The following PDZD7 variants were observed in gnomAD, a reference collection of about 807,000 sequenced individuals.
PDZD7 encodes PDZ domain containing 7, also known as PDZ domain-containing protein 7.
A neutral mutation model predicts 84.7 loss-of-function variants in PDZD7; 72 were observed. The observed-to-expected ratio is 0.85, with a 90% CI of 0.70 to 1.03. The LOEUF (loss-of-function observed/expected upper bound fraction) is 1.03. PDZD7 is among the 50% of genes least tolerant of loss of function. The probability of loss-of-function intolerance (pLI) is 0.00; values close to 1 mark genes in which losing one functional copy is unlikely to be tolerated. For synonymous variants in PDZD7, 594 were observed against 580.7 expected, an observed-to-expected ratio of 1.02 and a Z score of -0.33; for missense variants, 1,490 against 1,412.9, an observed-to-expected ratio of 1.05 and a Z score of -0.87.
intron 11 of PDZD7, among the ~76,000 whole-genome samples, chr10:101,014,546 G>A (rs892714150): frequency 1.3e-5 from 2 of 152,132 alleles, no homozygotes; most frequent in Admixed American, 1.3e-4. Context: ...GACACTTTCT[G>A]AGTTTAGCCC....
chr10:101,016,405 C>T lies in PDZD7; in HGVS notation c.1545G>A (p.Gln515=). ...IEKAGGVGPV[Q]KFVTWRLRRD... Reference sequence around the variant, plus strand: ...GTCTCAGTCTCCAGGTGACAAACTTCTGTACCGGGCCCACGCCCCCTGCTA... The same window carrying T: ...GTCTCAGTCTCCAGGTGACAAACTTTTGTACCGGGCCCACGCCCCCTGCTA... The change falls in exon 10 of 17, where the codon CAG becomes CAA. Residue 515 remains glutamine, a synonymous_variant. Transcript: ENST00000619208. 1 of 1,550,682 alleles carries T rather than the reference C, an allele frequency of 6.4e-7. No homozygotes were observed. The highest frequency in any genetic ancestry group is 2.0e-5 in the Admixed American group (1 of 51,006).
In PDZD7 at chr10:101,022,403, G is replaced by A. The variant is rs766834247; in HGVS notation, c.543-18C>T. 33 of 1,613,490 alleles carry A rather than the reference G, an allele frequency of 2.0e-5. No individual in the cohort carries two copies. The East Asian group carries it at 2.2e-4, about 11-fold the overall frequency. On this transcript the variant is annotated intron_variant, in intron 4 of 16. Coordinates refer to ENST00000619208, the MANE Select transcript of PDZD7 (RefSeq NM_001195263.2). Reference sequence around the variant, plus strand: ...CATCCACCCTGGACAACAGCAGGGGGCCCTCAGGTGGGGTCCTCCATCCAC... The same window carrying A: ...CATCCACCCTGGACAACAGCAGGGGACCCTCAGGTGGGGTCCTCCATCCAC...
chr10:101,026,872 G>T (rs937134374), intron 2 of PDZD7, among the ~76,000 whole-genome samples: 1 of 151,998 alleles, frequency 6.6e-6, no homozygotes, highest in African/African-American at 2.4e-5. Context: ...GACACTTTCA[G>T]CCTTAGCCAA....
Position 101,009,329 on chromosome 10 carries a change from A to G in PDZD7, c.2639T>C (p.Ile880Thr), listed in dbSNP as rs202192219. Residue 880 changes from isoleucine (I) to threonine (T), a missense_variant, in exon 16 of 17, where the codon ATT (isoleucine) becomes ACT (threonine). Transcript: ENST00000619208. ...QSLGISISGGIESKVQPMVKI... is the reference protein window; with the variant it reads ...QSLGISISGGTESKVQPMVKI... ...CACCATGGGCTGCACCTTGGACTCAATGCCCCCAGAAATGCTGATACCTAG... is the reference window on the plus strand; with the variant it reads ...CACCATGGGCTGCACCTTGGACTCAGTGCCCCCAGAAATGCTGATACCTAG... 1.9e-5 allele frequency: 29 copies of G among 1,535,936 alleles called. No homozygotes were observed. The highest frequency in any genetic ancestry group is 2.0e-5 in the Non-Finnish European group (23 of 1,146,864).
At chr10:101,023,394 C>A in intron 4 of PDZD7, 42 bp downstream of exon 4, 1 of 1,600,566 alleles carries the variant, frequency 6.2e-7, no homozygotes, top group Non-Finnish European at 8.5e-7. Context: ...TTGGGGTGGG[C>A]TGGGGCAAGG....
chr10:101,025,151 C>G (rs1178498322), intron 2 of PDZD7, among the ~76,000 whole-genome samples: 1 of 152,168 alleles, frequency 6.6e-6, no homozygotes, highest in Non-Finnish European at 1.5e-5. Flanking sequence ...TAGACAGAGG[C>G]AGATTTTGTA....
Position 101,018,259 on chromosome 10 carries a change from G to A in PDZD7, c.1362C>T (p.Ser454=), listed in dbSNP as rs139448043. 106 of 1,614,028 alleles carry A rather than the reference G, an allele frequency of 6.6e-5. No homozygotes were observed. Among genetic ancestry groups the A allele is most frequent in the Non-Finnish European group, 5.8e-5 (69 of 1,180,034 alleles). Residue 454 remains serine (S), a synonymous_variant, in exon 9 of 17, where the codon TCC becomes TCT. Transcript: ENST00000619208. ...GCTGCAGGGCACCCTTCTCCCCAGGGGACCCCGACTTCTCCTTCTTCCGCT... is the reference window on the plus strand; with the variant it reads ...GCTGCAGGGCACCCTTCTCCCCAGGAGACCCCGACTTCTCCTTCTTCCGCT... ...KQQRKKEKSG[S]PGEKGALQRS...
chr10:101,030,238 G>T lies in PDZD7; in HGVS notation c.-19C>A. The stretch of plus-strand genomic sequence containing the variant: ...GCGCCATGGCGGCTGGGCTAGGGCG[G>T]CACCCTACAGGTCCAGAAGGAATCT... On this transcript the variant is annotated 5_prime_UTR_variant, in exon 2 of 17. Transcript: ENST00000619208. 6.4e-7 allele frequency: 1 copy of T among 1,574,082 alleles called. No homozygotes were observed. The highest frequency in any genetic ancestry group is 8.6e-7 in the Non-Finnish European group (1 of 1,161,790).
intron 8 of PDZD7, 43 bp from the exon 9 acceptor site, chr10:101,018,339 A>C (rs1241442611): frequency 7.5e-6 from 12 of 1,597,676 alleles, no homozygotes; most frequent in African/African-American, 1.3e-5. Flanking sequence ...AGGGGTGGGC[A>C]GAAGGGAAGG....
At chr10:101,023,839 C>T (rs887214184) in intron 3 of PDZD7, 89 bp downstream of exon 3, 41 of 1,600,240 alleles carry the variant, frequency 2.6e-5, no homozygotes, top group African/African-American at 4.0e-5. Context: ...GGGACTCTTC[C>T]GTCTGTCCCT....
At chr10:101,017,876 AAAGAAAGAAAGAAAGAAAAG>A (rs1456512691) in intron 9 of PDZD7, 20 of 276,618 alleles carry the variant, frequency 7.2e-5, no homozygotes, top group Admixed American at 1.4e-4. Flanking sequence ...AGAAAGAAAG[AAAGAAAGAAAGAAAGAAAAG>A]AAAGAAAGAA....
At chr10:101,011,004 C>T (rs745541929) in intron 14 of PDZD7, 121 bp from the exon 15 acceptor site, 16 of 1,495,086 alleles carry the variant, frequency 1.1e-5, no homozygotes, top group Non-Finnish European at 1.2e-5. Context: ...CACTGCAGTG[C>T]GGCCCACCCA....
chr10:101,015,776 A>T lies in PDZD7; in HGVS notation c.1609T>A (p.Ser537Thr). ...GGCAGCTGGCTGGAGGGACTCCCAG[A>T]CCTGGCAGACAGCAGGGCCCGGCCC... is the stretch of plus-strand genomic sequence containing the variant. ...ERGRALLSAR[S>T]GSPSSQLPNV... The change falls in exon 11 of 17, where the codon TCT becomes ACT. Residue 537 changes from serine to threonine, a missense_variant. Coordinates refer to ENST00000619208, the MANE Select transcript of PDZD7 (RefSeq NM_001195263.2). The T allele has an allele frequency of 6.5e-7, 1 of 1,549,602 alleles. No individual in the cohort carries two copies. The highest frequency in any genetic ancestry group is 8.7e-7 in the Non-Finnish European group (1 of 1,146,846).
chr10:101,020,728 G>C (rs769233167), intron 6 of PDZD7, 50 bp from the exon 7 acceptor site: 1 of 1,452,200 alleles, frequency 6.9e-7, no homozygotes, highest in South Asian at 1.1e-5. Context: ...AGTGAGGAGG[G>C]AGAGTGAGAA....
chr10:101,016,870 C>T (rs554293283), intron 9 of PDZD7, among the ~76,000 whole-genome samples: 2 of 152,196 alleles, frequency 1.3e-5, no homozygotes, highest in Admixed American at 1.3e-4. Flanking sequence ...AGGGGCCAGG[C>T]AGCCGTAATT....
chr10:101,023,507 G>A lies in PDZD7; in HGVS notation c.471C>T (p.Ser157=), dbSNP rs368888540. The change falls in exon 4 of 17, where the codon AGC becomes AGT. Residue 157 remains serine, a synonymous_variant. Coordinates refer to ENST00000619208, the MANE Select transcript of PDZD7 (RefSeq NM_001195263.2). ...GSAVKVLTSS[S]RLHMMVRRMG... is the part of the protein sequence containing the mutation. ...TGCGCCGAACCATCATGTGCAGGCG[G>A]CTGCTGCTGGTCAGCACCTTTACGG... 28 of 1,614,018 alleles carry A rather than the reference G, an allele frequency of 1.7e-5. No individual in the cohort carries two copies. The highest frequency in any genetic ancestry group is 4.0e-5 in the African/African-American group (3 of 74,918).
chr10:101,022,461 A>T, intron 4 of PDZD7, 76 bp from the exon 5 acceptor site: 1 of 1,575,180 alleles, frequency 6.3e-7, no homozygotes, highest in East Asian at 2.3e-5. Context: ...AGTTCTGACA[A>T]CTGCAGGGAA....
intron 9 of PDZD7, chr10:101,017,683 G>A (rs748394009): frequency 2.9e-6 from 2 of 690,428 alleles, no homozygotes; most frequent in East Asian, 5.4e-5. Context: ...CACTTTGGGA[G>A]GCTGAGGTGG....
chr10:101,009,373 T>C (rs1412702884), intron 15 of PDZD7, 23 bp from the exon 16 acceptor site: 1 of 1,524,760 alleles, frequency 6.6e-7, no homozygotes, highest in Non-Finnish European at 8.8e-7. Flanking sequence ...AGAAACACCG[T>C]GTGAGAGTGC....
Sources: allele counts gnomAD v4.1 joint callset (sites outside exome capture counted in the v4.1 genomes callset), GRCh38; gene constraint gnomAD v4.1.1; transcripts MANE v1.5; gene names NCBI Gene and HGNC (gene_info 2026-07-23, HGNC 2026-07-21).